Variants in MYH15 observed in about 807,000 individuals in gnomAD.
MYH15 encodes myosin-15.
In MYH15, 227 loss-of-function variants were observed where a neutral mutation model predicts 240.5. That is an observed-to-expected ratio of 0.94 (90% CI 0.85 to 1.05). MYH15 has a LOEUF of 1.05. MYH15 is among the 50% of genes least tolerant of loss of function. The probability of loss-of-function intolerance (pLI) is 0.00; values close to 1 mark genes in which losing one functional copy is unlikely to be tolerated. For missense variants in MYH15, 2,217 were observed against 2,247.5 expected (o/e 0.99, Z 0.27); for synonymous variants, 785 against 796.7 (o/e 0.99, Z 0.25).
At chr3:108,512,484 T>C (rs1428707725), upstream of MYH15, among the ~76,000 whole-genome samples, 1 of 152,096 alleles carries the variant, frequency 6.6e-6, no homozygotes, top group Non-Finnish European at 1.5e-5. Context: ...TGGCTTGCAC[T>C]CAGTAGACAG....
At chr3:108,436,231 G>C (rs112564179) in intron 25 of MYH15, among the ~76,000 whole-genome samples, 1 of 152,090 alleles carries the variant, frequency 6.6e-6, no homozygotes. Context: ...TGGCCTACAC[G>C]ACATACAGTA....
At chr3:108,390,445 C>A (rs982833864) in intron 37 of MYH15, among the ~76,000 whole-genome samples, 2 of 152,030 alleles carry the variant, frequency 1.3e-5, no homozygotes, top group African/African-American at 4.8e-5. Context: ...TTGGAAAAAC[C>A]AGTTTCATGT....
intron 2 of MYH15, 70 bp from the exon 3 acceptor site, chr3:108,501,925 G>A (rs2083441915): frequency 1.3e-6 from 2 of 1,520,220 alleles, no homozygotes; most frequent in African/African-American, 1.4e-5. Flanking sequence ...CCATGAATTA[G>A]AAAGAATATT....
intron 28 of MYH15, among the ~76,000 whole-genome samples, chr3:108,417,792 TATATAC>T (rs1361481680): frequency 3.5e-5 from 3 of 86,588 alleles, no homozygotes; most frequent in Admixed American, 1.2e-4. Flanking sequence ...TATGTATATA[TATATAC>T]ACACACACAC....
chr3:108,488,785 C>A (rs1262345369), intron 9 of MYH15, among the ~76,000 whole-genome samples: 1 of 152,070 alleles, frequency 6.6e-6, no homozygotes, highest in East Asian at 1.9e-4. Flanking sequence ...AGTTCATTTC[C>A]CTTGGATGTA....
At chr3:108,482,440 C>T (rs577676305) in intron 11 of MYH15, among the ~76,000 whole-genome samples, 1 of 152,300 alleles carries the variant, frequency 6.6e-6, no homozygotes, top group South Asian at 2.1e-4. Flanking sequence ...GGAGATTACA[C>T]ATTTCATTTG....
At chr3:108,468,019 G>T (rs1242769417) in intron 14 of MYH15, among the ~76,000 whole-genome samples, 1 of 151,012 alleles carries the variant, frequency 6.6e-6, no homozygotes, top group Admixed American at 6.6e-5. Flanking sequence ...AGGCTGGAGT[G>T]CAGTGGTGCG....
At position 108,501,738 on chromosome 3, in the gene MYH15, G is replaced by A. The variant is rs755793931; in HGVS notation, c.313C>T (p.Arg105Trp). 47 of 1,613,970 alleles carry A rather than the reference G, an allele frequency of 2.9e-5. No homozygotes were observed. The East Asian group carries it at 4.2e-4, about 15-fold the overall frequency. The change falls in exon 3 of 41, where the codon CGG (arginine) becomes TGG (tryptophan). Residue 105 changes from arginine to tryptophan, a missense_variant. By Grantham distance (101) the Arg-to-Trp change is moderately radical (BLOSUM62 -3). Coordinates refer to ENST00000693548, the MANE Select transcript of MYH15 (RefSeq NM_014981.3). ...NEASVLHTLK[R>W]RYGQWMIYTY... ...TAGATCATCCACTGGCCATAGCGCC[G>A]CTTCAGGGTATGCAGCACGGATGCC...
intron 24 of MYH15, 26 bp from the exon 25 acceptor site, chr3:108,437,725 TAAATAAATAG>T (rs775749021): frequency 6.2e-7 from 1 of 1,600,938 alleles, no homozygotes; most frequent in African/African-American, 1.3e-5. Flanking sequence ...ATTATTTAGC[TAAATAAATAG>T]GTAGAGTTTA....
chr3:108,435,431 C>A lies in MYH15; in HGVS notation c.3221+2123G>T, dbSNP rs535504560. Among the ~76,000 whole-genome samples the A allele has an allele frequency of 2.0e-5, 3 of 152,148 alleles. No individual in the cohort carries two copies. In the South Asian group the frequency reaches 6.2e-4, roughly 32 times the overall value. Reference sequence around the variant, plus strand: ...CTAGAACTTAATCATCTTACATAATCAACTTTATACTCATTGAACAGAAAC... The same window carrying A: ...CTAGAACTTAATCATCTTACATAATAAACTTTATACTCATTGAACAGAAAC... On this transcript the variant is annotated intron_variant, in intron 25 of 40. Coordinates refer to ENST00000693548, the MANE Select transcript of MYH15 (RefSeq NM_014981.3).
At chr3:108,517,314 T>G (rs1362295748) in intron 1 of MYH15, among the ~76,000 whole-genome samples, 1 of 152,180 alleles carries the variant, frequency 6.6e-6, no homozygotes, top group African/African-American at 2.4e-5. Flanking sequence ...TATTCGCTAT[T>G]GATCCAGAGA....
chr3:108,463,947 T>C (rs1044956637), intron 15 of MYH15, among the ~76,000 whole-genome samples: 2 of 151,276 alleles, frequency 1.3e-5, no homozygotes, highest in Admixed American at 6.6e-5. Context: ...GTCTCTGACA[T>C]ACAGTGAACA....
chr3:108,408,822 A>T lies in MYH15; in HGVS notation c.4496-418T>A, dbSNP rs190310256. On this transcript the variant is annotated intron_variant, in intron 31 of 40. Transcript: ENST00000693548. ...AGCCACCACTCAACACTGCGACAGG[A>T]ACTTAAAGTAAAAGCTGGATCAATA... Among the ~76,000 whole-genome samples, 268 of 152,354 alleles carry T rather than the reference A, an allele frequency of 1.8e-3. 1 individual carries two copies. The highest frequency in any genetic ancestry group is 2.2e-3 in the Non-Finnish European group (147 of 68,026).
chr3:108,410,871 T>A lies in MYH15; in HGVS notation c.4207A>T (p.Asn1403Tyr), dbSNP rs1171234434. ...TGCCTGGCTCTCTCCAAGGAGGCAT[T>A]TCTGGCATTGGCCACCCCCATGGCT... The part of the protein sequence containing the change: ...AEAMGVANAR[N>Y]ASLERARHQL... The change falls in exon 31 of 41, where the codon AAT becomes TAT. Residue 1403 changes from asparagine (N) to tyrosine (Y), a missense_variant. Physicochemically the swap from Asn to Tyr is moderately radical, Grantham distance 143. Coordinates refer to ENST00000693548, the MANE Select transcript of MYH15 (RefSeq NM_014981.3). 6.2e-7 allele frequency: 1 copy of A among 1,612,018 alleles called. No homozygotes were observed. The highest frequency in any genetic ancestry group is 1.3e-5 in the African/African-American group (1 of 74,912).
At chr3:108,437,786 A>AAAAC (rs113832514) in intron 24 of MYH15, 87 bp from the exon 25 acceptor site, 1 of 1,290,938 alleles carries the variant, frequency 7.7e-7, no homozygotes, top group African/African-American at 1.5e-5. Context: ...ACCTTCTGGA[A>AAAAC]AAAGAAAGAC....
chr3:108,441,629 T>C (rs1004325195), intron 22 of MYH15, among the ~76,000 whole-genome samples: 3 of 152,230 alleles, frequency 2.0e-5, no homozygotes, highest in African/African-American at 7.2e-5. Flanking sequence ...TTGAGGTTGA[T>C]AACTGCTCAG....
In MYH15 at chr3:108,414,173, T is replaced by C. The variant is rs555817041; in HGVS notation, c.4145+59A>G. The C allele has an allele frequency of 2.6e-6, 4 of 1,540,612 alleles. No individual in the cohort carries two copies. The African/African-American group carries it at 5.4e-5, about 21-fold the overall frequency. On this transcript the variant is annotated intron_variant, in intron 30 of 40. Transcript: ENST00000693548. ...CATGAGGCCTTGGAGACAGAGTCAT[T>C]ATTCTCATACTGCTCCATGTGAGTA...
chr3:108,540,476 G>A, the MYH15 span, among the ~76,000 whole-genome samples: 1 of 152,128 alleles, frequency 6.6e-6, no homozygotes, highest in Admixed American at 6.5e-5. Context: ...AGATTTTAAG[G>A]TTATTAGTTA....
intron 4 of MYH15, among the ~76,000 whole-genome samples, 173 bp downstream of exon 4, chr3:108,499,945 T>G (rs968424220): frequency 1.3e-5 from 2 of 152,082 alleles, no homozygotes; most frequent in Non-Finnish European, 2.9e-5. Flanking sequence ...CCAATAACCC[T>G]AGGAGGTAGG....
Sources: allele counts gnomAD v4.1 joint callset (sites outside exome capture counted in the v4.1 genomes callset), GRCh38; gene constraint gnomAD v4.1.1; transcripts MANE v1.5; gene names NCBI Gene and HGNC (gene_info 2026-07-23, HGNC 2026-07-21).